Variants in CELF2 observed in about 807,000 individuals in gnomAD.
CELF2 encodes the protein CUG triplet repeat RNA-binding protein 2.
CELF2 carries 8 observed loss-of-function variants against 62.6 expected under a neutral mutation model. The ratio of observed to expected loss-of-function variants is 0.13; its 90% CI spans 0.07 to 0.23. The LOEUF (loss-of-function observed/expected upper bound fraction) is 0.23. CELF2 is among the 10% of genes least tolerant of loss of function. The pLI is 1.00. For missense variants in CELF2, 333 were observed against 671.0 expected (o/e 0.50, Z 5.56); for synonymous variants, 258 against 250.0 (o/e 1.03, Z -0.30).
the CELF2 span, among the ~76,000 whole-genome samples, chr10:10,491,523 T>C: frequency 6.6e-6 from 1 of 152,332 alleles, no homozygotes; most frequent in South Asian, 2.1e-4. Flanking sequence ...GCTCCTGGAC[T>C]GTATAGCTAA....
chr10:10,585,430 A>G, the CELF2 span, among the ~76,000 whole-genome samples: 1 of 133,210 alleles, frequency 7.5e-6, no homozygotes, highest in African/African-American at 2.8e-5. Context: ...AGGAAACTAC[A>G]TGATGTATGT....
chr10:11,213,300 G>A (rs1238991302), intron 2 of CELF2, among the ~76,000 whole-genome samples: 1 of 152,224 alleles, frequency 6.6e-6, no homozygotes, highest in East Asian at 1.9e-4. Context: ...GAGGAGGCTT[G>A]CCCCTGAATC....
intron 1 of CELF2, among the ~76,000 whole-genome samples, chr10:10,900,474 A>G (rs2062858290): frequency 6.6e-6 from 1 of 152,236 alleles, no homozygotes; most frequent in Admixed American, 6.5e-5. Context: ...AATCATCTCA[A>G]TAGATGGAGA....
At chr10:10,712,116 T>C in the CELF2 span, among the ~76,000 whole-genome samples, 2 of 124,322 alleles carry the variant, frequency 1.6e-5, no homozygotes, top group African/African-American at 3.2e-5. Flanking sequence ...ATTCACTATA[T>C]ATAGTCCCTT....
At chr10:11,070,969 A>T (rs1312151386) in intron 1 of CELF2, among the ~76,000 whole-genome samples, 1 of 152,232 alleles carries the variant, frequency 6.6e-6, no homozygotes, top group Non-Finnish European at 1.5e-5. Flanking sequence ...GGAAGGTAAG[A>T]AAAGAAGGGG....
chr10:10,661,152 C>A, the CELF2 span, among the ~76,000 whole-genome samples: 1 of 152,234 alleles, frequency 6.6e-6, no homozygotes, highest in East Asian at 1.9e-4. Flanking sequence ...CCAGAAACTC[C>A]TTCCTGCCCC....
the CELF2 span, among the ~76,000 whole-genome samples, chr10:10,465,191 T>A: frequency 6.6e-6 from 1 of 152,148 alleles, no homozygotes; most frequent in Admixed American, 6.6e-5. Context: ...CATTTGACAG[T>A]TGCTCAATTT....
chr10:11,065,481 C>G (rs1405340253), intron 1 of CELF2, among the ~76,000 whole-genome samples: 1 of 152,012 alleles, frequency 6.6e-6, no homozygotes, highest in Non-Finnish European at 1.5e-5. Flanking sequence ...AGTGAACCAT[C>G]TAGTGTGATG....
chr10:10,819,497 A>G (rs1176477601), intron 1 of CELF2, among the ~76,000 whole-genome samples: 2 of 152,040 alleles, frequency 1.3e-5, no homozygotes, highest in African/African-American at 2.4e-5. Flanking sequence ...TTTAACCCTC[A>G]TTGTTCTGGA....
At chr10:10,501,051 T>G in the CELF2 span, among the ~76,000 whole-genome samples, 2 of 152,220 alleles carry the variant, frequency 1.3e-5, no homozygotes, top group Admixed American at 6.5e-5. Context: ...GTTTCTGGGT[T>G]GGGGCTATGA....
In CELF2 at chr10:10,844,310, A is replaced by G. The variant is rs140120774; in HGVS notation, c.53+45493A>G. 6.5e-4 allele frequency among the ~76,000 whole-genome samples: 99 copies of G among 152,130 alleles called. 1 individual carries two copies. Among genetic ancestry groups the G allele is most frequent in the Admixed American group, 1.4e-3 (22 of 15,254 alleles). ...AAACATTCAGAACAAGGGGAAACCA[A>G]TCTCTACCCCCATGTGAGCCAGAGT... On this transcript the variant is annotated intron_variant, in intron 1 of 13. Transcript: ENST00000636488.
At chr10:11,129,815 A>G (rs189028614) in intron 1 of CELF2, among the ~76,000 whole-genome samples, 2 of 152,140 alleles carry the variant, frequency 1.3e-5, no homozygotes, top group Non-Finnish European at 2.9e-5. Flanking sequence ...TGATCTTTTC[A>G]AAAAACCAGC....
chr10:10,712,490 A>G, the CELF2 span, among the ~76,000 whole-genome samples: 2,512 of 152,140 alleles, frequency 0.017, 31 homozygotes, highest in African/African-American at 0.037. Context: ...CAAAGCTATA[A>G]ATATTGCAAG....
intron 1 of CELF2, among the ~76,000 whole-genome samples, chr10:11,049,110 A>G (rs1195171320): frequency 7.3e-6 from 1 of 136,240 alleles, no homozygotes; most frequent in Non-Finnish European, 1.5e-5. Context: ...AACCTTGAAC[A>G]AACTGTTCTG....
chr10:10,720,956 C>T, the CELF2 span, among the ~76,000 whole-genome samples: 5 of 152,202 alleles, frequency 3.3e-5, no homozygotes, highest in African/African-American at 1.2e-4. Flanking sequence ...TCATTTAAAA[C>T]CCACTGGATG....
At chr10:11,182,385 A>G (rs2073712264) in intron 2 of CELF2, among the ~76,000 whole-genome samples, 1 of 151,956 alleles carries the variant, frequency 6.6e-6, no homozygotes, top group African/African-American at 2.4e-5. Flanking sequence ...AAGACATACG[A>G]CCCTTTTATG....
At chr10:10,591,107 T>TA in the CELF2 span, among the ~76,000 whole-genome samples, 19 of 152,082 alleles carry the variant, frequency 1.2e-4, no homozygotes, top group East Asian at 1.9e-4. Context: ...AGAATATATC[T>TA]AAAAAAAGTG....
intron 1 of CELF2, among the ~76,000 whole-genome samples, chr10:10,909,121 C>G (rs1163275635): frequency 6.6e-6 from 1 of 152,164 alleles, no homozygotes; most frequent in Non-Finnish European, 1.5e-5. Context: ...AAAAATAATG[C>G]ATTTAACTGA....
intron 1 of CELF2, among the ~76,000 whole-genome samples, chr10:11,106,779 G>A (rs1595402728): frequency 6.6e-6 from 1 of 152,246 alleles, no homozygotes; most frequent in Non-Finnish European, 1.5e-5. Flanking sequence ...GAGGGAAAGG[G>A]CATTGCAGTT....
Sources: gnomAD v4.1 joint callset for allele counts (sites outside exome capture counted in the v4.1 genomes callset) on GRCh38, gnomAD v4.1.1 for gene constraint, MANE v1.5 for transcripts, NCBI Gene and HGNC (gene_info 2026-07-23, HGNC 2026-07-21) for gene names.